Variants in ESR1 observed in about 807,000 individuals in gnomAD.
ESR1 encodes estrogen receptor 1.
In ESR1, 12 loss-of-function variants were observed where a neutral mutation model predicts 52.7. The observed-to-expected ratio is 0.23, with a 90% CI of 0.15 to 0.37. The LOEUF is 0.37. Ranked by LOEUF, ESR1 falls within the 10% of genes least tolerant of loss-of-function variation. ESR1 has a pLI of 1.00. For synonymous variants in ESR1, 305 were observed against 316.8 expected, an observed-to-expected ratio of 0.96 and a Z score of 0.39; for missense variants, 584 against 779.7, an observed-to-expected ratio of 0.75 and a Z score of 2.99.
At chr6:151,662,592 C>T (rs970241518) in intron 1 of ESR1, among the ~76,000 whole-genome samples, 2 of 152,104 alleles carry the variant, frequency 1.3e-5, no homozygotes, top group African/African-American at 4.8e-5. Flanking sequence ...CAACCCTGCA[C>T]CAGCAAATCC....
At chr6:151,707,184 T>A (rs1178448931) in intron 2 of ESR1, among the ~76,000 whole-genome samples, 1 of 152,194 alleles carries the variant, frequency 6.6e-6, no homozygotes, top group African/African-American at 2.4e-5. Context: ...GATTATTACA[T>A]TTTTGCATAT....
chr6:151,684,872 A>G (rs372787948), intron 1 of ESR1, among the ~76,000 whole-genome samples: 2 of 152,078 alleles, frequency 1.3e-5, no homozygotes, highest in African/African-American at 2.4e-5. Flanking sequence ...ACCCTCTTCC[A>G]CTAGGTTTCA....
chr6:151,981,558 A>C (rs921246390), intron 4 of ESR1, among the ~76,000 whole-genome samples: 8 of 152,358 alleles, frequency 5.3e-5, no homozygotes, highest in Non-Finnish European at 1.0e-4. Flanking sequence ...CTCCTTAAAA[A>C]ACAAATCCAC....
At chr6:151,802,961 C>T (rs912789451), upstream of ESR1, among the ~76,000 whole-genome samples, 1 of 150,468 alleles carries the variant, frequency 6.6e-6, no homozygotes, top group Non-Finnish European at 1.5e-5. Context: ...CAGTGTACTC[C>T]AGCCTGGGTG....
At chr6:151,920,894 T>A (rs1205243967) in intron 3 of ESR1, among the ~76,000 whole-genome samples, 1 of 152,194 alleles carries the variant, frequency 6.6e-6, no homozygotes, top group Non-Finnish European at 1.5e-5. Context: ...TACAGTACTT[T>A]TTGGAAGAAG....
intron 5 of ESR1, among the ~76,000 whole-genome samples, chr6:152,021,081 A>C (rs939925255): frequency 1.3e-5 from 2 of 152,164 alleles, no homozygotes; most frequent in African/African-American, 4.8e-5. Flanking sequence ...CAAAGTATTA[A>C]TCCTGGGTGT....
downstream of ESR1, among the ~76,000 whole-genome samples, chr6:152,105,728 T>TTTAA (rs1443249641): frequency 6.6e-6 from 1 of 151,548 alleles, no homozygotes; most frequent in African/African-American, 2.4e-5. Flanking sequence ...GCCCAGCCAA[T>TTTAA]TTAATTATTT....
chr6:151,718,348 T>A (rs1781208135), intron 2 of ESR1, among the ~76,000 whole-genome samples: 1 of 152,216 alleles, frequency 6.6e-6, no homozygotes, highest in Non-Finnish European at 1.5e-5. Flanking sequence ...ACTTACCATT[T>A]TAATGCTTCA....
At chr6:151,956,463 T>G (rs1355190933) in intron 4 of ESR1, among the ~76,000 whole-genome samples, 1 of 152,220 alleles carries the variant, frequency 6.6e-6, no homozygotes, top group Non-Finnish European at 1.5e-5. Flanking sequence ...ATTTATCTGT[T>G]GCAGATAGTA....
At chr6:151,925,198 C>A (rs1306530826) in intron 3 of ESR1, among the ~76,000 whole-genome samples, 4 of 152,012 alleles carry the variant, frequency 2.6e-5, no homozygotes, top group African/African-American at 9.7e-5. Context: ...GATATCTCAT[C>A]ATGGCTTTAA....
intron 2 of ESR1, among the ~76,000 whole-genome samples, chr6:151,785,207 C>G (rs1019540417): frequency 3.9e-5 from 6 of 152,228 alleles, no homozygotes; most frequent in Non-Finnish European, 5.9e-5. Flanking sequence ...GTGTAATGAG[C>G]AGGAAAGCAC....
intron 4 of ESR1, among the ~76,000 whole-genome samples, chr6:151,977,932 A>G (rs959829442): frequency 3.5e-5 from 5 of 142,978 alleles, no homozygotes; most frequent in Non-Finnish European, 7.5e-5. Flanking sequence ...GAAAATAACC[A>G]CCATGAGTGA....
Position 151,866,601 on chromosome 6 carries a change from G to A in ESR1, c.644-14054G>A, listed in dbSNP as rs560528925. Among the ~76,000 whole-genome samples the A allele has an allele frequency of 2.0e-4, 31 of 152,154 alleles. 1 individual carries two copies. Among genetic ancestry groups the A allele is most frequent in the African/African-American group, 6.5e-4 (27 of 41,502 alleles). On this transcript the variant is annotated intron_variant, in intron 2 of 7. Transcript: ENST00000206249. ...TGTTTGGTTTTCTGTTCCTGTGTTA[G>A]TTTGCTGAGAATGATGGTTTCCAGC...
intron 4 of ESR1, among the ~76,000 whole-genome samples, chr6:151,953,720 A>AG (rs1210849859): frequency 1.3e-5 from 2 of 152,106 alleles, no homozygotes; most frequent in Non-Finnish European, 1.5e-5. Flanking sequence ...CTAAAAAAAA[A>AG]AAAGAATACA....
chr6:151,711,000 G>T (rs1334960439), intron 2 of ESR1, among the ~76,000 whole-genome samples: 1 of 152,146 alleles, frequency 6.6e-6, no homozygotes, highest in Non-Finnish European at 1.5e-5. Flanking sequence ...GAATAATGCT[G>T]CAATAAACAT....
chr6:151,950,418 A>G (rs2036203260), intron 4 of ESR1, among the ~76,000 whole-genome samples: 2 of 152,252 alleles, frequency 1.3e-5, no homozygotes, highest in Non-Finnish European at 2.9e-5. Context: ...GAAGTGTGTT[A>G]TGGGCTGAGT....
chr6:151,769,166 G>A (rs80021401), intron 2 of ESR1, among the ~76,000 whole-genome samples: 5,230 of 152,098 alleles, frequency 0.034, 285 homozygotes, highest in African/African-American at 0.12. Flanking sequence ...AGACATTATC[G>A]GGAAATCTGG....
intron 6 of ESR1, among the ~76,000 whole-genome samples, chr6:152,080,958 C>A (rs555334888): frequency 1.3e-5 from 2 of 152,290 alleles, no homozygotes; most frequent in African/African-American, 4.8e-5. Flanking sequence ...TACAGGAGCA[C>A]CCAGATTCAT....
intron 6 of ESR1, among the ~76,000 whole-genome samples, chr6:152,117,265 G>A (rs966921291): frequency 2.6e-5 from 4 of 152,172 alleles, no homozygotes; most frequent in African/African-American, 9.7e-5. Context: ...AATTGCTGTC[G>A]AAGTTGGCAG....
Sources: allele counts gnomAD v4.1 joint callset (sites outside exome capture counted in the v4.1 genomes callset), GRCh38; gene constraint gnomAD v4.1.1; transcripts MANE v1.5; gene names NCBI Gene and HGNC (gene_info 2026-07-23, HGNC 2026-07-21).